The following AGAP1 variants were observed in gnomAD, a reference collection of about 807,000 sequenced individuals.
AGAP1 encodes the protein ArfGAP with GTPase domain, ankyrin repeat and PH domain 1.
Under a neutral mutation model 105.3 loss-of-function variants are expected in AGAP1, and 29 were observed. The ratio of observed to expected loss-of-function variants is 0.28; its 90% CI spans 0.21 to 0.38. AGAP1 has a LOEUF of 0.38. AGAP1 is among the 10% of genes least tolerant of loss of function. The pLI is 1.00. For synonymous variants in AGAP1, 509 were observed against 485.9 expected, an observed-to-expected ratio of 1.05 and a Z score of -0.63; for missense variants, 998 against 1,165.1, an observed-to-expected ratio of 0.86 and a Z score of 2.09.
At chr2:235,925,801 A>G (rs574481916) in intron 11 of AGAP1, among the ~76,000 whole-genome samples, 3 of 152,152 alleles carry the variant, frequency 2.0e-5, no homozygotes, top group Non-Finnish European at 4.4e-5. Context: ...CTGTGTTTAG[A>G]ACAGTGTTTG....
At chr2:235,495,477 G>A (rs1487644576) in intron 1 of AGAP1, among the ~76,000 whole-genome samples, 2 of 152,246 alleles carry the variant, frequency 1.3e-5, no homozygotes, top group Non-Finnish European at 2.9e-5. Context: ...ATTAGAGGAA[G>A]AACCCTACCA....
chr2:235,957,588 G>A lies in AGAP1; in HGVS notation c.1484-10874G>A, dbSNP rs1416270608. On this transcript the variant is annotated intron_variant, in intron 12 of 17. Transcript: ENST00000304032. The surrounding 1 kb of genome is among the most constrained non-coding windows in gnomAD (Gnocchi z 4.6). Reference sequence around the variant, plus strand: ...CTCCCGCTGAAAGCTCCCGTCAAAAGGACTATGCGAAGGGGTGAGGTTTTG... The same window carrying A: ...CTCCCGCTGAAAGCTCCCGTCAAAAAGACTATGCGAAGGGGTGAGGTTTTG... Among the ~76,000 whole-genome samples the A allele has an allele frequency of 1.3e-5, 2 of 152,110 alleles. No homozygotes were observed. Among genetic ancestry groups the A allele is most frequent in the Non-Finnish European group, 2.9e-5 (2 of 68,020 alleles).
In AGAP1 at chr2:235,904,168, A is replaced by G. The variant is rs556946480; in HGVS notation, c.1156-4570A>G. On this transcript the variant is annotated intron_variant, in intron 10 of 17. Transcript: ENST00000304032. This position sits in a 1 kb window ranked among gnomAD's most constrained non-coding sequence, Gnocchi z 4.2. Reference sequence around the variant, plus strand: ...TTGCTTGACTATGTGAAAAGAAATCACATTAATGCAGCTAATTAAGTGTAC... The same window carrying G: ...TTGCTTGACTATGTGAAAAGAAATCGCATTAATGCAGCTAATTAAGTGTAC... Among the ~76,000 whole-genome samples the G allele has an allele frequency of 4.6e-5, 7 of 152,354 alleles. No individual in the cohort carries two copies. The East Asian group carries it at 1.3e-3, about 29-fold the overall frequency.
Position 235,799,548 on chromosome 2 carries a change from T to G in AGAP1, c.957+26T>G, listed in dbSNP as rs529253565. On this transcript the variant is annotated intron_variant, in intron 8 of 17. Coordinates refer to ENST00000304032, the MANE Select transcript of AGAP1 (RefSeq NM_001037131.3). This position sits in a 1 kb window ranked among gnomAD's most constrained non-coding sequence, Gnocchi z 5.0. ...GTGAGTGTCAACCCTGGGTGGAGAT[T>G]TGAATGCGATTCCGAAGCGTTCCCA... The G allele has an allele frequency of 7.7e-5, 124 of 1,609,644 alleles. 3 individuals carry two copies. In the South Asian group the frequency reaches 1.2e-3, roughly 16 times the overall value.
At chr2:236,088,499 C>A (rs547279075) in intron 16 of AGAP1, among the ~76,000 whole-genome samples, 1 of 152,124 alleles carries the variant, frequency 6.6e-6, no homozygotes, top group Non-Finnish European at 1.5e-5. Context: ...TGGGTGATAG[C>A]TAGTGGGTGA....
At chr2:236,070,948 T>C (rs890888122) in intron 16 of AGAP1, among the ~76,000 whole-genome samples, 3 of 152,204 alleles carry the variant, frequency 2.0e-5, no homozygotes, top group African/African-American at 7.2e-5. Context: ...GTATGTGAAT[T>C]ACATCTCAGC....
chr2:235,563,824 A>C (rs1418965845), intron 1 of AGAP1, among the ~76,000 whole-genome samples: 1 of 152,120 alleles, frequency 6.6e-6, no homozygotes, highest in Admixed American at 6.5e-5. Context: ...TGTTTGATTT[A>C]ATCCTTGTCA....
In AGAP1 at chr2:235,931,960, C is replaced by G. The variant is rs1183287953; in HGVS notation, c.1483+1037C>G. On this transcript the variant is annotated intron_variant, in intron 12 of 17. Coordinates refer to ENST00000304032, the MANE Select transcript of AGAP1 (RefSeq NM_001037131.3). This position sits in a 1 kb window ranked among gnomAD's most constrained non-coding sequence, Gnocchi z 5.6. ...GGCTGGCCCATTCCCATCCCAGCGC[C>G]AGGGCTTGCTCCTTCCCTCAAAAGA... is the stretch of plus-strand genomic sequence containing the variant. 6.6e-6 allele frequency among the ~76,000 whole-genome samples: 1 copy of G among 152,172 alleles called. No homozygotes were observed.
intron 13 of AGAP1, among the ~76,000 whole-genome samples, chr2:236,026,439 G>C (rs1347390803): frequency 6.6e-6 from 1 of 152,192 alleles, no homozygotes; most frequent in African/African-American, 2.4e-5. Context: ...TTAGAAAGAA[G>C]TATGACACGC....
At chr2:235,978,300 C>A (rs1236549489) in intron 13 of AGAP1, among the ~76,000 whole-genome samples, 1 of 152,186 alleles carries the variant, frequency 6.6e-6, no homozygotes, top group Non-Finnish European at 1.5e-5. Context: ...ACCCACTCAC[C>A]CACGCACCAT....
rs928149334 is a variant in AGAP1, at chr2:235,589,194, GTTTTTTTTTTTTTTT to G, written c.163+94359_163+94373del. Reference sequence around the variant, plus strand: ...CTACCAGTTAATAGCTTATTGTTTTGTTTTTTTTTTTTTTTTTTTTTTTTTTTTGAGACGGAGTTT... The same window carrying G: ...CTACCAGTTAATAGCTTATTGTTTTGTTTTTTTTTTTTTGAGACGGAGTTT... On this transcript the variant is annotated intron_variant, in intron 1 of 17. Transcript: ENST00000304032. 2.5e-3 allele frequency among the ~76,000 whole-genome samples: 148 copies of G among 59,626 alleles called. 2 individuals carry two copies. In the East Asian group the frequency reaches 0.067, roughly 27 times the overall value. The allele number at this position is 59,626 out of a possible 152,430, so 39.1% of individuals were successfully genotyped here. A position where few individuals can be genotyped will look rare whatever the true frequency, so the allele number is the denominator to read the frequency against.
rs1384784289 is a variant in AGAP1 at position 236,120,371 on chromosome 2, G to T, written c.2294G>T (p.Gly765Val). The T allele has an allele frequency of 6.2e-7, 1 of 1,611,728 alleles. No individual in the cohort carries two copies. Among genetic ancestry groups the T allele is most frequent in the Non-Finnish European group, 8.5e-7 (1 of 1,179,784 alleles). Residue 765 changes from glycine (G) to valine (V), a missense_variant, in exon 17 of 18, where the codon GGG becomes GTG. Coordinates refer to ENST00000304032, the MANE Select transcript of AGAP1 (RefSeq NM_001037131.3). The surrounding 1 kb of genome is among the most constrained non-coding windows in gnomAD (Gnocchi z 6.0). ...CGGGACGAGGTGAACGAGACCTGCG[G>T]GGAGGGAGACGGCCGCACGGCGCTG... ...GSRDEVNETC[G>V]EGDGRTALHL... is the part of the protein sequence containing the mutation.
At chr2:235,686,618 T>C (rs1318945093) in intron 1 of AGAP1, among the ~76,000 whole-genome samples, 3 of 81,858 alleles carry the variant, frequency 3.7e-5, no homozygotes, top group Non-Finnish European at 6.4e-5. Flanking sequence ...CGTGGAGATA[T>C]AGATATATAT....
rs566278009 is a variant in AGAP1 at position 235,549,248 on chromosome 2, T to A, written c.163+54399T>A. On this transcript the variant is annotated intron_variant, in intron 1 of 17. Transcript: ENST00000304032. The surrounding 1 kb of genome is among the most constrained non-coding windows in gnomAD (Gnocchi z 4.2). ...ACAAACTAGAAGGGCCTGGTTTCTG[T>A]AGGTGACAAAGCTGGGGGGAACGTG... is the stretch of plus-strand genomic sequence containing the variant. 6.6e-6 allele frequency among the ~76,000 whole-genome samples: 1 copy of A among 152,176 alleles called. No homozygotes were observed. Among genetic ancestry groups the A allele is most frequent in the Non-Finnish European group, 1.5e-5 (1 of 68,036 alleles).
At chr2:235,640,720 C>T (rs538753926) in intron 1 of AGAP1, among the ~76,000 whole-genome samples, 19 of 152,334 alleles carry the variant, frequency 1.2e-4, no homozygotes, top group African/African-American at 3.8e-4. Context: ...TTAAAAATGT[C>T]GTGGGGGCAA....
At chr2:236,066,099 C>T (rs2058337860) in intron 16 of AGAP1, among the ~76,000 whole-genome samples, 1 of 152,224 alleles carries the variant, frequency 6.6e-6, no homozygotes, top group African/African-American at 2.4e-5. Flanking sequence ...TAGGGCCACC[C>T]TGCCCAAGCT....
chr2:235,807,082 A>G (rs895691366), intron 8 of AGAP1, among the ~76,000 whole-genome samples, 157 bp from the exon 9 acceptor site: 4 of 152,254 alleles, frequency 2.6e-5, no homozygotes, highest in African/African-American at 7.2e-5. Context: ...GTGGAGATGA[A>G]CTACTGAGCT....
chr2:235,948,587 T>A (rs535292607), intron 12 of AGAP1, among the ~76,000 whole-genome samples: 1 of 152,150 alleles, frequency 6.6e-6, no homozygotes, highest in African/African-American at 2.4e-5. Flanking sequence ...GCTTTGGCAG[T>A]AGGGATGTTT....
chr2:235,980,753 C>T (rs1249209255), intron 13 of AGAP1, among the ~76,000 whole-genome samples: 2 of 152,162 alleles, frequency 1.3e-5, no homozygotes, highest in Admixed American at 1.3e-4. Context: ...CCGTGGAGCT[C>T]ATGTCAGCAT....
Sources: allele counts gnomAD v4.1 joint callset (sites outside exome capture counted in the v4.1 genomes callset), GRCh38; gene constraint gnomAD v4.1.1; non-coding constraint Gnocchi (gnomAD v3.1); transcripts MANE v1.5; gene names NCBI Gene and HGNC (gene_info 2026-07-23, HGNC 2026-07-21).